The following DACH2 variants were observed in gnomAD, a reference collection of about 807,000 sequenced individuals.
DACH2 encodes dachshund family transcription factor 2, also known as dachshund homolog 2.
A neutral mutation model predicts 35.8 loss-of-function variants in DACH2; 17 were observed. The observed-to-expected ratio is 0.48, with a 90% CI of 0.33 to 0.71. DACH2 has a LOEUF of 0.71. Among genes scored for constraint, DACH2 ranks in the 30% least tolerant of loss-of-function variants. DACH2 has a pLI of 0.02. For synonymous variants in DACH2, 195 were observed against 177.3 expected, an observed-to-expected ratio of 1.10 and a Z score of -0.79; for missense variants, 469 against 472.7, an observed-to-expected ratio of 0.99 and a Z score of 0.07.
At chrX:86,356,723 TA>T (rs1216741257) in intron 1 of DACH2, among the ~76,000 whole-genome samples, 2 of 111,348 alleles carry the variant, frequency 1.8e-5, no homozygotes, top group African/African-American at 3.3e-5. Context: ...GTAATTTATT[TA>T]AAAAAATTAA....
rs34980646 is a variant in DACH2 at position 86,445,566 on chromosome X, C to CA, written c.528-68698dup. ...AAAAAGAAACTACCATCAGAGTGAA[C>CA]AAAAAAAAAAAAAAAGAAATTTTTA... On this transcript the variant is annotated intron_variant, in intron 2 of 11. Transcript: ENST00000373125. Among the ~76,000 whole-genome samples the CA allele has an allele frequency of 7.3e-3, 350 of 48,073 alleles. 11 individuals carry two copies. The highest frequency in any genetic ancestry group is 0.018 in the African/African-American group (207 of 11,254). The allele number at this position is 48,073 out of a possible 115,157, so 41.7% of individuals were successfully genotyped here.
intron 2 of DACH2, among the ~76,000 whole-genome samples, chrX:86,411,331 C>A (rs1040383474): frequency 9.2e-6 from 1 of 108,877 alleles, no homozygotes; most frequent in Admixed American, 1.0e-4. Flanking sequence ...CCCAGCCCAC[C>A]GACTCAAATG....
chrX:86,635,584 C>T (rs759655025), intron 3 of DACH2, among the ~76,000 whole-genome samples: 3 of 111,304 alleles, frequency 2.7e-5, no homozygotes, highest in East Asian at 5.7e-4. Context: ...GAGAGGAGGT[C>T]AAGCAATCTC....
rs1051068125 is a variant in DACH2, at chrX:86,362,332, A to G, written c.489-14492A>G. ...CTTAGTGGCATTAATTTTATAAATT[A>G]TTAAACTGCACACGCATGCACACAA... On this transcript the variant is annotated intron_variant, in intron 1 of 11. Coordinates refer to ENST00000373125, the MANE Select transcript of DACH2 (RefSeq NM_053281.3). Among the ~76,000 whole-genome samples the G allele has an allele frequency of 4.5e-5, 5 of 111,326 alleles. No homozygotes were observed. The Admixed American group carries it at 4.8e-4, about 11-fold the overall frequency.
intron 2 of DACH2, among the ~76,000 whole-genome samples, chrX:86,507,875 G>C: frequency 8.9e-6 from 1 of 111,813 alleles, no homozygotes; most frequent in Non-Finnish European, 1.9e-5. Flanking sequence ...AGGGATGAAG[G>C]CTTGAATTAG....
chrX:86,729,226 A>G, intron 6 of DACH2, among the ~76,000 whole-genome samples: 1 of 111,795 alleles, frequency 8.9e-6, no homozygotes, highest in Middle Eastern at 4.6e-3. Flanking sequence ...AAAGGAGATT[A>G]TTTTCGAGCT....
At chrX:86,327,385 C>A (rs2035135518) in intron 1 of DACH2, among the ~76,000 whole-genome samples, 1 of 112,027 alleles carries the variant, frequency 8.9e-6, no homozygotes, top group Non-Finnish European at 1.9e-5. Context: ...TCAGGCCAGT[C>A]TTTCTCCTTA....
intron 8 of DACH2, 28 bp downstream of exon 8, chrX:86,813,032 A>C (rs767131652): frequency 8.6e-7 from 1 of 1,160,473 alleles, no homozygotes; most frequent in East Asian, 3.2e-5. Flanking sequence ...AAACAAAATA[A>C]ATGTAATACA....
intron 3 of DACH2, among the ~76,000 whole-genome samples, chrX:86,569,283 C>G (rs946862724): frequency 9.0e-6 from 1 of 111,153 alleles, no homozygotes; most frequent in African/African-American, 3.3e-5. Context: ...AACTTCTTAG[C>G]AGCCCACTTT....
At chrX:86,733,898 C>T (rs1190667894) in intron 6 of DACH2, among the ~76,000 whole-genome samples, 1 of 109,521 alleles carries the variant, frequency 9.1e-6, no homozygotes, top group African/African-American at 3.3e-5. Flanking sequence ...AGAATCACTA[C>T]TTGGGTCTCA....
At chrX:86,594,993 C>A (rs2039694430) in intron 3 of DACH2, among the ~76,000 whole-genome samples, 1 of 111,759 alleles carries the variant, frequency 8.9e-6, no homozygotes, top group Non-Finnish European at 1.9e-5. Context: ...GTTATGTTTT[C>A]ATAGCAAATT....
intron 11 of DACH2, chrX:86,827,832 C>G: frequency 8.9e-7 from 1 of 1,125,274 alleles, no homozygotes; most frequent in East Asian, 3.3e-5. Context: ...CAGTTACCTG[C>G]TTATCTAGTG....
chrX:86,823,593 T>C, intron 11 of DACH2, among the ~76,000 whole-genome samples: 1 of 112,394 alleles, frequency 8.9e-6, no homozygotes, highest in Non-Finnish European at 1.9e-5. Flanking sequence ...TTTACAAACA[T>C]TTCTTTCTTA....
intron 2 of DACH2, among the ~76,000 whole-genome samples, chrX:86,397,979 T>A (rs1410589246): frequency 8.9e-6 from 1 of 111,942 alleles, no homozygotes; most frequent in African/African-American, 3.2e-5. Flanking sequence ...CAGCTCCTCC[T>A]TTTACCTCTG....
At chrX:86,517,227 T>C (rs1028570815) in intron 3 of DACH2, among the ~76,000 whole-genome samples, 4 of 111,590 alleles carry the variant, frequency 3.6e-5, no homozygotes, top group African/African-American at 1.3e-4. Flanking sequence ...TTTTGACTTT[T>C]TAGTAATAGC....
At chrX:86,746,287 T>A (rs2041712014) in intron 7 of DACH2, among the ~76,000 whole-genome samples, 1 of 111,452 alleles carries the variant, frequency 9.0e-6, no homozygotes, top group South Asian at 3.8e-4. Context: ...AATTGATGTG[T>A]CTTATGGTAA....
chrX:86,694,296 T>A (rs1349192556), intron 4 of DACH2, among the ~76,000 whole-genome samples: 1 of 112,562 alleles, frequency 8.9e-6, no homozygotes, highest in Non-Finnish European at 1.9e-5. Context: ...CTTGAAAGAA[T>A]GCCCTGGAAA....
chrX:86,639,989 A>AG (rs1235361000), intron 3 of DACH2, among the ~76,000 whole-genome samples: 2 of 111,417 alleles, frequency 1.8e-5, no homozygotes, highest in East Asian at 5.7e-4. Context: ...TCCCAGAGGG[A>AG]GGGACAGGCT....
At chrX:86,337,600 GC>G (rs1380602992) in intron 1 of DACH2, among the ~76,000 whole-genome samples, 1 of 112,265 alleles carries the variant, frequency 8.9e-6, no homozygotes, top group Non-Finnish European at 1.9e-5. Context: ...AACAGCCAGT[GC>G]AAAAACATAC....
Sources: allele counts gnomAD v4.1 joint callset (sites outside exome capture counted in the v4.1 genomes callset), GRCh38; gene constraint gnomAD v4.1.1; transcripts MANE v1.5; gene names NCBI Gene and HGNC (gene_info 2026-07-23, HGNC 2026-07-21).